Variants in ALKBH7 observed in about 807,000 individuals in gnomAD.
The protein encoded by ALKBH7 is RNA demethylase ALKBH7, mitochondrial.
In ALKBH7, 21 loss-of-function variants were observed where a neutral mutation model predicts 19.3. The observed-to-expected ratio is 1.09, with a 90% CI of 0.77 to 1.56. The LOEUF (loss-of-function observed/expected upper bound fraction) is 1.56. Among genes scored for constraint, ALKBH7 ranks in the 40% most tolerant of loss-of-function variants. The pLI is 0.00. For synonymous variants in ALKBH7, 147 were observed against 139.5 expected (o/e 1.05, Z -0.38); for missense variants, 354 against 311.4 (o/e 1.14, Z -1.03).
rs1555720861 is a variant in ALKBH7 at position 6,374,538 on chromosome 19, C to G, written c.452C>G (p.Pro151Arg). Residue 151 changes from proline to arginine, a missense_variant, in exon 3 of 4, where the codon CCG (proline) becomes CGG (arginine). Transcript: ENST00000245812. ...SVMRLVHTQE[P>R]GEWLELLLEP... Reference sequence around the variant, plus strand: ...ATGCGGCTGGTGCACACCCAGGAGCCGGGGGAGTGGCTGGAACTCTTGCTG... The same window carrying G: ...ATGCGGCTGGTGCACACCCAGGAGCGGGGGGAGTGGCTGGAACTCTTGCTG... The G allele has an allele frequency of 6.2e-7, 1 of 1,613,918 alleles. No individual in the cohort carries two copies. Among genetic ancestry groups the G allele is most frequent in the Non-Finnish European group, 8.5e-7 (1 of 1,179,968 alleles).
rs760280127 is a variant in ALKBH7, at chr19:6,374,358, C to T, written c.360C>T (p.Pro120=). 23 of 1,609,474 alleles carry T rather than the reference C, an allele frequency of 1.4e-5. No individual in the cohort carries two copies. The South Asian group carries it at 2.5e-4, about 18-fold the overall frequency. The change falls in exon 2 of 4, where the codon CCC becomes CCT. Residue 120 remains proline, a synonymous_variant. Coordinates refer to ENST00000245812, the MANE Select transcript of ALKBH7 (RefSeq NM_032306.4). ...TGGAAGCCCGCGGCTACATCAAGCC[C>T]CACGTGGACAGCATCAAGGTGGGCA... is the stretch of plus-strand genomic sequence containing the variant. ...LDLEARGYIK[P]HVDSIKFCGA...
chr19:6,375,209 C>G lies in ALKBH7; in HGVS notation c.*236C>G, dbSNP rs958345376. ...GGTCGCCCCAGCCCACTCCCCTCCTCGTTGTCTCTGCATCCAGGTCTCCAA... is the reference window on the plus strand; with the variant it reads ...GGTCGCCCCAGCCCACTCCCCTCCTGGTTGTCTCTGCATCCAGGTCTCCAA... On this transcript the variant is annotated 3_prime_UTR_variant, in exon 4 of 4. Transcript: ENST00000245812. 2.2e-6 allele frequency: 3 copies of G among 1,361,746 alleles called. No homozygotes were observed. 84.4% of individuals were successfully genotyped at this position (1,361,746 alleles called of 1,614,324 possible).
Position 6,374,566 on chromosome 19 carries a change from G to A in ALKBH7, c.480G>A (p.Glu160=). The A allele has an allele frequency of 6.2e-7, 1 of 1,613,556 alleles. No homozygotes were observed. The highest frequency in any genetic ancestry group is 1.1e-5 in the South Asian group (1 of 91,056). Residue 160 remains glutamate (E), a synonymous_variant, in exon 3 of 4, where the codon GAG becomes GAA. Coordinates refer to ENST00000245812, the MANE Select transcript of ALKBH7 (RefSeq NM_032306.4). Reference sequence around the variant, plus strand: ...GGGAGTGGCTGGAACTCTTGCTGGAGCCGGGCTCCCTCTACATCCTTAGGT... The same window carrying A: ...GGGAGTGGCTGGAACTCTTGCTGGAACCGGGCTCCCTCTACATCCTTAGGT... The part of the protein sequence containing the change: ...EPGEWLELLL[E]PGSLYILRGS...
Position 6,374,265 on chromosome 19 carries a change from G to A in ALKBH7, c.267G>A (p.Leu89=). Residue 89 remains leucine (L), a synonymous_variant, in exon 2 of 4, where the codon CTG becomes CTA. Transcript: ENST00000245812. ...GGTCAGAAGCCAGCCGGGCCATCCT[G>A]CAGCGCGTGCAGGCGGCCGCCTTTG... is the stretch of plus-strand genomic sequence containing the variant. ...SRWSEASRAI[L]QRVQAAAFGP... 6.2e-7 allele frequency: 1 copy of A among 1,613,350 alleles called. No homozygotes were observed. The highest frequency in any genetic ancestry group is 8.5e-7 in the Non-Finnish European group (1 of 1,179,772).
rs767286877 is a variant in ALKBH7 at position 6,374,272 on chromosome 19, G to T, written c.274G>T (p.Val92Leu). ...AGCCAGCCGGGCCATCCTGCAGCGC[G>T]TGCAGGCGGCCGCCTTTGGCCCCGG... The part of the protein sequence containing the change: ...SEASRAILQR[V>L]QAAAFGPGQT... The change falls in exon 2 of 4, where the codon GTG (valine) becomes TTG (leucine). Residue 92 changes from valine (V) to leucine (L), a missense_variant. By Grantham distance (32) the Val-to-Leu change is conservative. Coordinates refer to ENST00000245812, the MANE Select transcript of ALKBH7 (RefSeq NM_032306.4). The T allele has an allele frequency of 1.2e-6, 2 of 1,613,128 alleles. No individual in the cohort carries two copies. The highest frequency in any genetic ancestry group is 1.3e-5 in the African/African-American group (1 of 74,880).
Position 6,375,131 on chromosome 19 carries a change from A to G in ALKBH7, c.*158A>G. 2 of 1,300,924 alleles carry G rather than the reference A, an allele frequency of 1.5e-6. No individual in the cohort carries two copies. Among genetic ancestry groups the G allele is most frequent in the Non-Finnish European group, 1.0e-6 (1 of 984,322 alleles). The allele number at this position is 1,300,924 out of a possible 1,614,324, so 80.6% of individuals were successfully genotyped here. On this transcript the variant is annotated 3_prime_UTR_variant, in exon 4 of 4. Coordinates refer to ENST00000245812, the MANE Select transcript of ALKBH7 (RefSeq NM_032306.4). ...GCTCCAGGTGTGGCTGGCTGGACACATGGTCAAAGTCACAAGGCCGGGAGA... is the reference window on the plus strand; with the variant it reads ...GCTCCAGGTGTGGCTGGCTGGACACGTGGTCAAAGTCACAAGGCCGGGAGA...
Position 6,374,539 on chromosome 19 carries a change from G to A in ALKBH7, c.453G>A (p.Pro151=), listed in dbSNP as rs759717703. ...SVMRLVHTQE[P]GEWLELLLEP... is the part of the protein sequence containing the mutation. ...TGCGGCTGGTGCACACCCAGGAGCC[G>A]GGGGAGTGGCTGGAACTCTTGCTGG... is the stretch of plus-strand genomic sequence containing the variant. The change falls in exon 3 of 4, where the codon CCG becomes CCA. Residue 151 remains proline, a synonymous_variant. Coordinates refer to ENST00000245812, the MANE Select transcript of ALKBH7 (RefSeq NM_032306.4). 30 of 1,613,818 alleles carry A rather than the reference G, an allele frequency of 1.9e-5. No homozygotes were observed. Among genetic ancestry groups the A allele is most frequent in the African/African-American group, 2.7e-5 (2 of 74,896 alleles).
intron 1 of ALKBH7, 120 bp downstream of exon 1, chr19:6,373,144 G>A: frequency 7.4e-7 from 1 of 1,355,372 alleles, no homozygotes; most frequent in Non-Finnish European, 9.8e-7. Flanking sequence ...GGGATTTGGA[G>A]CGGGGACAGA....
In ALKBH7 at chr19:6,374,362, G is replaced by A; in HGVS notation, c.364G>A (p.Val122Met). 1 of 1,609,450 alleles carries A rather than the reference G, an allele frequency of 6.2e-7. No homozygotes were observed. ...LEARGYIKPHVDSIKFCGATI... is the reference protein window; with the variant it reads ...LEARGYIKPHMDSIKFCGATI... ...AGCCCGCGGCTACATCAAGCCCCAC[G>A]TGGACAGCATCAAGGTGGGCAGAGG... Residue 122 changes from valine (V) to methionine (M), a missense_variant, in exon 2 of 4, where the codon GTG becomes ATG. Transcript: ENST00000245812.
chr19:6,374,162 C>T (rs770123157), intron 1 of ALKBH7, 41 bp from the exon 2 acceptor site: 2 of 1,594,974 alleles, frequency 1.3e-6, no homozygotes, highest in East Asian at 2.2e-5. Context: ...TTTCCTTGTT[C>T]CCTCTGGGAG....
chr19:6,373,750 A>C, intron 1 of ALKBH7: 1 of 1,053,544 alleles, frequency 9.5e-7, no homozygotes, highest in Non-Finnish European at 1.1e-6. Flanking sequence ...GTCGGTAGCT[A>C]TTGCAGGGAT....
chr19:6,373,996 G>A, intron 1 of ALKBH7: 1 of 985,048 alleles, frequency 1.0e-6, no homozygotes, highest in Non-Finnish European at 1.2e-6. Context: ...CAGCATTGGG[G>A]ACCTGGAATT....
rs1236359967 is a variant in ALKBH7 at position 6,372,818 on chromosome 19, A to G, written c.-3A>G. ...CCCTCTCTCATGACCCCGCTCCGGGATTATGGCCGGGACTGGGCTGCTGGC... is the reference window on the plus strand; with the variant it reads ...CCCTCTCTCATGACCCCGCTCCGGGGTTATGGCCGGGACTGGGCTGCTGGC... On this transcript the variant is annotated 5_prime_UTR_variant, in exon 1 of 4. Transcript: ENST00000245812. The G allele has an allele frequency of 6.5e-7, 1 of 1,541,958 alleles. No homozygotes were observed. Among genetic ancestry groups the G allele is most frequent in the Non-Finnish European group, 8.7e-7 (1 of 1,148,158 alleles).
rs2091915459 is a variant in ALKBH7, at chr19:6,375,155, G to A, written c.*182G>A. 5 of 1,288,550 alleles carry A rather than the reference G, an allele frequency of 3.9e-6. No homozygotes were observed. Among genetic ancestry groups the A allele is most frequent in the Non-Finnish European group, 5.1e-6 (5 of 971,746 alleles). 79.8% of individuals were successfully genotyped at this position (1,288,550 alleles called of 1,614,324 possible). A position where few individuals can be genotyped will look rare whatever the true frequency, so the allele number is the denominator to read the frequency against. The stretch of plus-strand genomic sequence containing the variant: ...CATGGTCAAAGTCACAAGGCCGGGA[G>A]AGTGGTGTCCTTTATTGCACTCACT... On this transcript the variant is annotated 3_prime_UTR_variant, in exon 4 of 4. Coordinates refer to ENST00000245812, the MANE Select transcript of ALKBH7 (RefSeq NM_032306.4).
In ALKBH7 at chr19:6,374,237, G is replaced by A. The variant is rs377101608; in HGVS notation, c.239G>A (p.Arg80His). ...IHGFRETEKS[R>H]WSEASRAILQ... The stretch of plus-strand genomic sequence containing the variant: ...GGCTTCCGAGAGACAGAGAAGTCGC[G>A]CTGGTCAGAAGCCAGCCGGGCCATC... Residue 80 changes from arginine to histidine, a missense_variant, in exon 2 of 4, where the codon CGC becomes CAC. Transcript: ENST00000245812. 60 of 1,613,134 alleles carry A rather than the reference G, an allele frequency of 3.7e-5. No individual in the cohort carries two copies. In the South Asian group the frequency reaches 4.5e-4, roughly 12 times the overall value.
chr19:6,374,689 C>T (rs1055348540), intron 3 of ALKBH7, 100 bp downstream of exon 3: 92 of 1,604,730 alleles, frequency 5.7e-5, no homozygotes, highest in Non-Finnish European at 1.6e-5. Flanking sequence ...CCGAAGACGC[C>T]TTTACCCCAG....
rs528550148 is a variant in ALKBH7, at chr19:6,374,483, G to T, written c.397G>T (p.Ala133Ser). ...TTTGCAGTTCTGCGGGGCCACCATC[G>T]CCGGCCTGTCTCTCCTGTCTCCCAG... ...DSIKFCGATI[A>S]GLSLLSPSVM... The change falls in exon 3 of 4, where the codon GCC becomes TCC. Residue 133 changes from alanine to serine, a missense_variant. Transcript: ENST00000245812. 4.3e-6 allele frequency: 7 copies of T among 1,613,876 alleles called. No individual in the cohort carries two copies. In the South Asian group the frequency reaches 4.4e-5, roughly 10 times the overall value.
At chr19:6,374,150 A>G (rs1339522428) in intron 1 of ALKBH7, 53 bp from the exon 2 acceptor site, 3 of 1,588,530 alleles carry the variant, frequency 1.9e-6, no homozygotes, top group African/African-American at 1.4e-5. Context: ...TCCTTGCCTC[A>G]GTTTCCTTGT....
At position 6,374,501 on chromosome 19, in the gene ALKBH7, T is replaced by A. The variant is rs2145063228; in HGVS notation, c.415T>A (p.Ser139Thr). The A allele has an allele frequency of 1.9e-6, 3 of 1,613,948 alleles. No homozygotes were observed. The East Asian group carries it at 6.7e-5, about 36-fold the overall frequency. ...GATIAGLSLL[S>T]PSVMRLVHTQ... The stretch of plus-strand genomic sequence containing the variant: ...CACCATCGCCGGCCTGTCTCTCCTG[T>A]CTCCCAGCGTTATGCGGCTGGTGCA... The change falls in exon 3 of 4, where the codon TCT (serine) becomes ACT (threonine). Residue 139 changes from serine to threonine, a missense_variant. Transcript: ENST00000245812.
Sources: allele counts gnomAD v4.1 joint callset, GRCh38; gene constraint gnomAD v4.1.1; transcripts MANE v1.5; gene names NCBI Gene and HGNC (gene_info 2026-07-23, HGNC 2026-07-21).